The following SLC30A4 variants were observed in gnomAD, a reference collection of about 807,000 sequenced individuals.
The protein encoded by SLC30A4 is solute carrier family 30 member 4.
Under a neutral mutation model 41.7 loss-of-function variants are expected in SLC30A4, and 20 were observed. The observed-to-expected ratio is 0.48, with a 90% CI of 0.34 to 0.70. The LOEUF (loss-of-function observed/expected upper bound fraction) is 0.70. SLC30A4 is among the 30% of genes least tolerant of loss of function. SLC30A4 has a pLI of 0.01. For missense variants in SLC30A4, 441 were observed against 529.3 expected, an observed-to-expected ratio of 0.83 and a Z score of 1.64; for synonymous variants, 181 against 195.9, an observed-to-expected ratio of 0.92 and a Z score of 0.64.
intron 3 of SLC30A4, among the ~76,000 whole-genome samples, chr15:45,503,996 T>C (rs564550863): frequency 6.8e-4 from 104 of 151,902 alleles, no homozygotes; most frequent in African/African-American, 2.4e-3. Flanking sequence ...CAAGAAAAAA[T>C]AGCTAATCTT....
At chr15:45,500,904 G>A (rs1892015904) in intron 3 of SLC30A4, among the ~76,000 whole-genome samples, 1 of 151,566 alleles carries the variant, frequency 6.6e-6, no homozygotes, top group African/African-American at 2.4e-5. Context: ...GGCTAGTCTT[G>A]AACTTTTGAC....
In SLC30A4 at chr15:45,492,844, C is replaced by G. The variant is rs1891835865; in HGVS notation, c.539-1963G>C. On this transcript the variant is annotated intron_variant, in intron 3 of 7. Coordinates refer to ENST00000261867, the MANE Select transcript of SLC30A4 (RefSeq NM_013309.6). The stretch of plus-strand genomic sequence containing the variant: ...AACTAGTTATCTTGGGTGAGGAGAA[C>G]TGGTGGCTGGGAGACAGGGATGACC... Among the ~76,000 whole-genome samples, 6 of 152,284 alleles carry G rather than the reference C, an allele frequency of 3.9e-5. No homozygotes were observed. In the South Asian group the frequency reaches 1.2e-3, roughly 32 times the overall value.
At chr15:45,497,808 C>G (rs1482303721) in intron 3 of SLC30A4, among the ~76,000 whole-genome samples, 2 of 152,140 alleles carry the variant, frequency 1.3e-5, no homozygotes, top group Non-Finnish European at 2.9e-5. Flanking sequence ...GTACCTTATT[C>G]TTTCTCTTCC....
chr15:45,494,067 T>TA (rs1417882298), intron 3 of SLC30A4, among the ~76,000 whole-genome samples: 1 of 152,138 alleles, frequency 6.6e-6, no homozygotes, highest in African/African-American at 2.4e-5. Context: ...GTACAGACTA[T>TA]ACACTCTTTG....
At chr15:45,511,505 A>T (rs1892290630) in intron 2 of SLC30A4, among the ~76,000 whole-genome samples, 1 of 150,944 alleles carries the variant, frequency 6.6e-6, no homozygotes, top group Admixed American at 6.6e-5. Context: ...TTTTTTTGAG[A>T]CAGAGTCTCA....
intron 3 of SLC30A4, among the ~76,000 whole-genome samples, chr15:45,493,297 A>G (rs780044769): frequency 2.6e-5 from 4 of 152,192 alleles, no homozygotes; most frequent in Non-Finnish European, 5.9e-5. Flanking sequence ...CTCAAACAAT[A>G]AAAGGAAGAA....
chr15:45,509,293 G>A (rs533351670), intron 3 of SLC30A4, among the ~76,000 whole-genome samples: 135 of 142,892 alleles, frequency 9.4e-4, no homozygotes, highest in African/African-American at 3.4e-3. Flanking sequence ...TTACTCTGCC[G>A]CCCAGAATGG....
chr15:45,492,066 G>C (rs1386050582), intron 3 of SLC30A4, among the ~76,000 whole-genome samples: 1 of 152,060 alleles, frequency 6.6e-6, no homozygotes, highest in Non-Finnish European at 1.5e-5. Flanking sequence ...CCTTTTTAGA[G>C]AGCCAATTGG....
intron 2 of SLC30A4, among the ~76,000 whole-genome samples, chr15:45,515,201 A>C (rs1416693244): frequency 6.7e-6 from 1 of 149,056 alleles, no homozygotes; most frequent in African/African-American, 2.5e-5. Flanking sequence ...TTTTTTCTTC[A>C]ATTTTTAGTG....
chr15:45,513,088 T>G (rs1220700251), intron 2 of SLC30A4, among the ~76,000 whole-genome samples: 1 of 151,580 alleles, frequency 6.6e-6, no homozygotes, highest in East Asian at 1.9e-4. Context: ...TCACCTGAGC[T>G]CAGGAGTTTG....
At chr15:45,486,589 A>G (rs1163646734) in intron 7 of SLC30A4, 22 bp downstream of exon 7, 48 of 1,570,360 alleles carry the variant, frequency 3.1e-5, no homozygotes, top group Non-Finnish European at 4.0e-5. Context: ...CCCCAGGCCC[A>G]CATTTACTAC....
rs146894383 is a variant in SLC30A4 at position 45,485,047 on chromosome 15, T to C, written c.*116A>G. ...CTGGGGCAACTGTTTGAGAGACTGA[T>C]GCTTGATACGGACACAGCTGTCAGG... On this transcript the variant is annotated 3_prime_UTR_variant, in exon 8 of 8. Coordinates refer to ENST00000261867, the MANE Select transcript of SLC30A4 (RefSeq NM_013309.6). 26 of 744,266 alleles carry C rather than the reference T, an allele frequency of 3.5e-5. 1 individual carries two copies. The East Asian group carries it at 7.1e-4, about 20-fold the overall frequency. The allele number at this position is 744,266 out of a possible 1,614,324, so 46.1% of individuals were successfully genotyped here. A position where few individuals can be genotyped will look rare whatever the true frequency, so the allele number is the denominator to read the frequency against.
At chr15:45,489,068 T>C (rs1038196884) in intron 4 of SLC30A4, 26 bp from the exon 5 acceptor site, 4 of 1,549,998 alleles carry the variant, frequency 2.6e-6, no homozygotes, top group Non-Finnish European at 3.5e-6. Flanking sequence ...GAAAACATTA[T>C]TATTTTTCCC....
chr15:45,490,581 G>A (rs757527784), intron 4 of SLC30A4, 147 bp downstream of exon 4: 27 of 514,340 alleles, frequency 5.2e-5, no homozygotes, highest in Middle Eastern at 1.1e-3. Flanking sequence ...AATTTATAAC[G>A]TCCATAGTGT....
rs1218838667 is a variant in SLC30A4, at chr15:45,481,589, A to T, written c.*3574T>A. On this transcript the variant is annotated 3_prime_UTR_variant, in exon 8 of 8. Coordinates refer to ENST00000261867, the MANE Select transcript of SLC30A4 (RefSeq NM_013309.6). ...GTCATAATCTGTTTTCCCAGTGCAA[A>T]ATTAATAATGCTATGTGTTCATCCA... 1 of 152,152 alleles carries T rather than the reference A, an allele frequency of 6.6e-6. No individual in the cohort carries two copies. The highest frequency in any genetic ancestry group is 1.5e-5 in the Non-Finnish European group (1 of 68,022). 9.4% of individuals were successfully genotyped at this position (152,152 alleles called of 1,614,324 possible).
intron 3 of SLC30A4, among the ~76,000 whole-genome samples, chr15:45,505,592 G>C (rs997698409): frequency 6.6e-6 from 1 of 152,124 alleles, no homozygotes; most frequent in Non-Finnish European, 1.5e-5. Flanking sequence ...TTTAAGCTCT[G>C]ACATTTTCAA....
chr15:45,488,944 T>G lies in SLC30A4; in HGVS notation c.791A>C (p.His264Pro), dbSNP rs1441166124. Reference sequence around the variant, plus strand: ...TCTCACTGCCAGGCTATCCTGCCCATGGTTACGTTCACACCCAGAACCTCT... The same window carrying G: ...TCTCACTGCCAGGCTATCCTGCCCAGGGTTACGTTCACACCCAGAACCTCT... The part of the protein sequence containing the change: ...PTRGSGCERN[H>P]GQDSLAVRAA... The change falls in exon 5 of 8, where the codon CAT becomes CCT. Residue 264 changes from histidine (H) to proline (P), a missense_variant. His to Pro is a moderately conservative substitution (Grantham distance 77). Coordinates refer to ENST00000261867, the MANE Select transcript of SLC30A4 (RefSeq NM_013309.6). 6.2e-7 allele frequency: 1 copy of G among 1,614,022 alleles called. No individual in the cohort carries two copies. Among genetic ancestry groups the G allele is most frequent in the African/African-American group, 1.3e-5 (1 of 74,924 alleles).
At chr15:45,486,098 C>A (rs1025323958) in intron 7 of SLC30A4, among the ~76,000 whole-genome samples, 1 of 151,906 alleles carries the variant, frequency 6.6e-6, no homozygotes, top group East Asian at 1.9e-4. Flanking sequence ...TCTCGGCTCA[C>A]TGCAACCTCC....
At chr15:45,505,162 T>C (rs1297034423) in intron 3 of SLC30A4, among the ~76,000 whole-genome samples, 2 of 141,346 alleles carry the variant, frequency 1.4e-5, no homozygotes, top group African/African-American at 5.4e-5. Context: ...ATCCGGGAGG[T>C]GGAGGTTGCA....
Sources: allele counts gnomAD v4.1 joint callset (sites outside exome capture counted in the v4.1 genomes callset), GRCh38; gene constraint gnomAD v4.1.1; transcripts MANE v1.5; gene names NCBI Gene and HGNC (gene_info 2026-07-23, HGNC 2026-07-21).